GRID2IP: variants seen among roughly 807,000 people sequenced by gnomAD.
GRID2IP encodes delphilin.
GRID2IP carries 78 observed loss-of-function variants against 114.3 expected under a neutral mutation model. That is an observed-to-expected ratio of 0.68 (90% CI 0.57 to 0.82). The LOEUF (loss-of-function observed/expected upper bound fraction) is 0.82. Ranked by LOEUF, GRID2IP falls within the 40% of genes least tolerant of loss-of-function variation. The pLI, the probability that GRID2IP is intolerant of heterozygous loss-of-function variation, is 0.00. For synonymous variants in GRID2IP, 809 were observed against 724.0 expected (o/e 1.12, Z -1.89); for missense variants, 1,727 against 1,678.5 (o/e 1.03, Z -0.51).
At position 6,508,607 on chromosome 7, in the gene GRID2IP, G is replaced by A. The variant is rs896956000; in HGVS notation, c.2128-206C>T. 2.1e-5 allele frequency among the ~76,000 whole-genome samples: 3 copies of A among 142,916 alleles called. No individual in the cohort carries two copies. Among genetic ancestry groups the A allele is most frequent in the African/African-American group, 7.3e-5 (3 of 41,160 alleles). The allele number at this position is 142,916 out of a possible 152,430, so 93.8% of individuals were successfully genotyped here. ...TGTGAGGGGGATAGCCTGGGCTAAG[G>A]ATAGGACCCTCTCATGGGTAAGCCT... On this transcript the variant is annotated intron_variant, in intron 12 of 21. Coordinates refer to ENST00000457091, the MANE Select transcript of GRID2IP (RefSeq NM_001145118.2). This position sits in a 1 kb window ranked among gnomAD's most constrained non-coding sequence, Gnocchi z 5.6.
Position 6,497,687 on chromosome 7 carries a change from A to G in GRID2IP, c.*87T>C. Reference sequence around the variant, plus strand: ...GCGGTGTGCTCAGAGCCCGGGGCACAGTGGCCCCGGACCTCGGCAGTGTCT... The same window carrying G: ...GCGGTGTGCTCAGAGCCCGGGGCACGGTGGCCCCGGACCTCGGCAGTGTCT... On this transcript the variant is annotated 3_prime_UTR_variant, in exon 22 of 22. Coordinates refer to ENST00000457091, the MANE Select transcript of GRID2IP (RefSeq NM_001145118.2). 1 of 969,394 alleles carries G rather than the reference A, an allele frequency of 1.0e-6. No homozygotes were observed. The highest frequency in any genetic ancestry group is 1.6e-5 in the South Asian group (1 of 62,352). 60.0% of individuals were successfully genotyped at this position (969,394 alleles called of 1,614,324 possible).
intron 1 of GRID2IP, among the ~76,000 whole-genome samples, chr7:6,548,573 C>T (rs985453963): frequency 6.6e-6 from 1 of 151,984 alleles, no homozygotes; most frequent in African/African-American, 2.4e-5. Flanking sequence ...TGCGGTGGCT[C>T]ACGCCTGTAA....
rs529390220 is a variant in GRID2IP, at chr7:6,503,243, G to A, written c.2908-80C>T. The A allele has an allele frequency of 2.4e-5, 27 of 1,124,766 alleles. 2 individuals carry two copies. Among genetic ancestry groups the A allele is most frequent in the Admixed American group, 1.4e-4 (5 of 35,094 alleles). The allele number at this position is 1,124,766 out of a possible 1,614,324, so 69.7% of individuals were successfully genotyped here. A position where few individuals can be genotyped will look rare whatever the true frequency, so the allele number is the denominator to read the frequency against. On this transcript the variant is annotated intron_variant, in intron 16 of 21. Coordinates refer to ENST00000457091, the MANE Select transcript of GRID2IP (RefSeq NM_001145118.2). ...CCACCGCAGGCTTTGGGGTGGGAGG[G>A]GGGGATCTGCTGGCTGCTTCGGCCC...
chr7:6,504,899 G>A, intron 14 of GRID2IP, 29 bp from the exon 15 acceptor site: 2 of 1,546,960 alleles, frequency 1.3e-6, no homozygotes, highest in Non-Finnish European at 1.7e-6. Context: ...GTTTACGGAG[G>A]CGGCTAGGCT....
At chr7:6,518,098 C>T (rs372779439) in intron 7 of GRID2IP, among the ~76,000 whole-genome samples, 8 of 150,850 alleles carry the variant, frequency 5.3e-5, no homozygotes, top group African/African-American at 1.7e-4. Flanking sequence ...GCATGGTAGG[C>T]GAGTGCCTGT....
chr7:6,503,770 C>G, intron 15 of GRID2IP, 83 bp from the exon 16 acceptor site: 7 of 911,548 alleles, frequency 7.7e-6, no homozygotes, highest in Admixed American at 3.9e-5. Flanking sequence ...AGGGCAGAGG[C>G]GGGGAGAGGG....
chr7:6,500,450 C>T (rs993020031), intron 20 of GRID2IP, among the ~76,000 whole-genome samples: 4 of 152,112 alleles, frequency 2.6e-5, no homozygotes, highest in Non-Finnish European at 4.4e-5. Flanking sequence ...GGCAACAGAG[C>T]GAGACTCCGT....
rs543071024 is a variant in GRID2IP, at chr7:6,536,044, C to A, written c.584+3674G>T. 2.6e-5 allele frequency among the ~76,000 whole-genome samples: 4 copies of A among 152,182 alleles called. No individual in the cohort carries two copies. The highest frequency in any genetic ancestry group is 9.7e-5 in the African/African-American group (4 of 41,450). ...CACCCAACCCTGGGAATCACAGCTG[C>A]GTCTGTGGCTTCTCCATGCCCCCTC... On this transcript the variant is annotated intron_variant, in intron 2 of 21. Coordinates refer to ENST00000457091, the MANE Select transcript of GRID2IP (RefSeq NM_001145118.2). The surrounding 1 kb of genome is among the most constrained non-coding windows in gnomAD (Gnocchi z 5.3).
In GRID2IP at chr7:6,534,005, G is replaced by A. The variant is rs2115090516; in HGVS notation, c.584+5713C>T. 6.6e-6 allele frequency among the ~76,000 whole-genome samples: 1 copy of A among 152,228 alleles called. No individual in the cohort carries two copies. The highest frequency in any genetic ancestry group is 2.4e-5 in the African/African-American group (1 of 41,538). On this transcript the variant is annotated intron_variant, in intron 2 of 21. Transcript: ENST00000457091. This position sits in a 1 kb window ranked among gnomAD's most constrained non-coding sequence, Gnocchi z 4.5. ...ACTTGGCACTGAAGCAGAAGAGGGT[G>A]ACGGGGTGCAGATAGTCCCTCACAG...
At chr7:6,512,691 A>G (rs1366867690) in intron 8 of GRID2IP, among the ~76,000 whole-genome samples, 1 of 151,878 alleles carries the variant, frequency 6.6e-6, no homozygotes, top group Non-Finnish European at 1.5e-5. Context: ...TTGTATTTTT[A>G]GTACAGATGA....
chr7:6,510,892 C>T lies in GRID2IP; in HGVS notation c.1555+16G>A, dbSNP rs894509356. 6.5e-7 allele frequency: 1 copy of T among 1,549,870 alleles called. No individual in the cohort carries two copies. The highest frequency in any genetic ancestry group is 2.0e-5 in the Admixed American group (1 of 50,852). The stretch of plus-strand genomic sequence containing the variant: ...ACTGAGCTCCATTCATACCCTCCCC[C>T]TGACACCAGCCTTACCGCAGCTGAG... On this transcript the variant is annotated intron_variant, in intron 9 of 21. Transcript: ENST00000457091.
intron 2 of GRID2IP, among the ~76,000 whole-genome samples, chr7:6,538,328 T>C (rs2115095334): frequency 6.6e-6 from 1 of 152,242 alleles, no homozygotes; most frequent in African/African-American, 2.4e-5. Context: ...ATCATGGCAC[T>C]ACCCTCCTGC....
chr7:6,522,822 T>TGTGTGTGTGTGC (rs1325616128), intron 4 of GRID2IP, among the ~76,000 whole-genome samples: 1 of 151,770 alleles, frequency 6.6e-6, no homozygotes, highest in African/African-American at 2.4e-5. Flanking sequence ...TGTGTGTGTG[T>TGTGTGTGTGTGC]GTGTGTGTGT....
At chr7:6,502,405 G>A (rs1002786790) in intron 18 of GRID2IP, among the ~76,000 whole-genome samples, 1 of 152,022 alleles carries the variant, frequency 6.6e-6, no homozygotes, top group Admixed American at 6.6e-5. Flanking sequence ...TTGTAGAACT[G>A]GGGTCTAGCT....
In GRID2IP at chr7:6,512,231, C is replaced by CTTTT. The variant is rs1002835555; in HGVS notation, c.1424-1196_1424-1193dup. On this transcript the variant is annotated intron_variant, in intron 8 of 21. Transcript: ENST00000457091. ...CACACCTGCCTTTTTTTCTTTTCTT[C>CTTTT]TTTTTTTTTTTTTTTTTTGTGACAG... 2.1e-3 allele frequency among the ~76,000 whole-genome samples: 186 copies of CTTTT among 90,186 alleles called. 12 individuals are homozygous for CTTTT. Among genetic ancestry groups the CTTTT allele is most frequent in the East Asian group, 0.015 (62 of 4,058 alleles). 59.2% of individuals were successfully genotyped at this position (90,186 alleles called of 152,430 possible).
chr7:6,545,788 C>A (rs1779879106), intron 1 of GRID2IP, among the ~76,000 whole-genome samples: 1 of 152,154 alleles, frequency 6.6e-6, no homozygotes, highest in Non-Finnish European at 1.5e-5. Context: ...TCCTGCAGGC[C>A]CCAGCTCACC....
At position 6,514,536 on chromosome 7, in the gene GRID2IP, GA is replaced by G; in HGVS notation, c.1269-8del. ...GATGAGGGTGTCGATGTTCCTGGGG[GA>G]AGGTGCAGGAATGTGAGGCTCAATA... On this transcript the variant is annotated splice_region_variant and splice_polypyrimidine_tract_variant and intron_variant, in intron 7 of 21. Transcript: ENST00000457091. 1.3e-6 allele frequency: 2 copies of G among 1,502,224 alleles called. No individual in the cohort carries two copies. Among genetic ancestry groups the G allele is most frequent in the Non-Finnish European group, 1.8e-6 (2 of 1,120,242 alleles). The allele number at this position is 1,502,224 out of a possible 1,614,324, so 93.1% of individuals were successfully genotyped here.
Position 6,526,748 on chromosome 7 carries a change from G to T in GRID2IP, c.606C>A (p.His202Gln), listed in dbSNP as rs1168223061. The change falls in exon 3 of 22, where the codon CAC (histidine) becomes CAA (glutamine). Residue 202 changes from histidine to glutamine, a missense_variant. Coordinates refer to ENST00000457091, the MANE Select transcript of GRID2IP (RefSeq NM_001145118.2). This position sits in a 1 kb window ranked among gnomAD's most constrained non-coding sequence, Gnocchi z 7.6. ...ACACCACCTCGTCGAAGCGCGCCCG[G>T]TGCTTCTTGGGGATGAAGATCCTGC... The part of the protein sequence containing the change: ...DNLRIFIPKK[H>Q]RARFDEVVSQ... The T allele has an allele frequency of 1.3e-6, 2 of 1,524,102 alleles. No individual in the cohort carries two copies. Among genetic ancestry groups the T allele is most frequent in the Admixed American group, 2.0e-5 (1 of 49,224 alleles). The allele number at this position is 1,524,102 out of a possible 1,614,324, so 94.4% of individuals were successfully genotyped here. A position where few individuals can be genotyped will look rare whatever the true frequency, so the allele number is the denominator to read the frequency against.
intron 2 of GRID2IP, chr7:6,531,061 A>C: frequency 1.6e-6 from 1 of 637,494 alleles, no homozygotes; most frequent in Non-Finnish European, 2.8e-6. Context: ...CGCGATGGGG[A>C]AGCTACCGAA....
Sources: gnomAD v4.1 joint callset for allele counts (sites outside exome capture counted in the v4.1 genomes callset) on GRCh38, gnomAD v4.1.1 for gene constraint, Gnocchi (gnomAD v3.1) non-coding constraint, MANE v1.5 for transcripts, NCBI Gene and HGNC (gene_info 2026-07-23, HGNC 2026-07-21) for gene names.